The following SRGAP3 variants were observed in gnomAD, a reference collection of about 807,000 sequenced individuals.
The protein encoded by SRGAP3 is SLIT-ROBO Rho GTPase activating protein 3.
In SRGAP3, 39 loss-of-function variants were observed where a neutral mutation model predicts 121.1. The ratio of observed to expected loss-of-function variants is 0.32; its 90% confidence interval spans 0.25 to 0.42. SRGAP3 has a LOEUF of 0.42. Ranked by LOEUF, SRGAP3 falls within the 10% of genes least tolerant of loss-of-function variation. The pLI is 1.00. For synonymous variants in SRGAP3, 601 were observed against 570.0 expected, an observed-to-expected ratio of 1.05 and a Z score of -0.77; for missense variants, 1,213 against 1,470.6, an observed-to-expected ratio of 0.82 and a Z score of 2.86.
chr3:9,016,547 A>G (rs1250502346), intron 14 of SRGAP3, among the ~76,000 whole-genome samples: 1 of 152,196 alleles, frequency 6.6e-6, no homozygotes, highest in Non-Finnish European at 1.5e-5. Context: ...GGTGATGCCA[A>G]CCTTGATCAC....
chr3:9,346,149 G>A (rs1955887435), intron 1 of SRGAP3, among the ~76,000 whole-genome samples: 1 of 152,076 alleles, frequency 6.6e-6, no homozygotes. Flanking sequence ...TACTGCACAT[G>A]TGAAAACACA....
At chr3:9,244,124 C>T (rs1953742952) in intron 1 of SRGAP3, among the ~76,000 whole-genome samples, 1 of 152,216 alleles carries the variant, frequency 6.6e-6, no homozygotes, top group South Asian at 2.1e-4. Context: ...ATCTTCTAAT[C>T]ACTGCATGAT....
chr3:9,236,374 A>T (rs1559233198), intron 1 of SRGAP3: 1 of 157,262 alleles, frequency 6.4e-6, no homozygotes, highest in Non-Finnish European at 1.4e-5. Context: ...ACCTATTTTT[A>T]TAACGGTCTG....
intron 1 of SRGAP3, among the ~76,000 whole-genome samples, chr3:9,355,359 T>C (rs1195275707): frequency 4.6e-5 from 7 of 152,254 alleles, no homozygotes; most frequent in Admixed American, 4.6e-4. Context: ...GCCAGAGTGA[T>C]TGTCTGTTTG....
intron 9 of SRGAP3, 105 bp from the exon 10 acceptor site, chr3:9,047,580 G>T: frequency 1.8e-6 from 2 of 1,084,924 alleles, no homozygotes; most frequent in Non-Finnish European, 2.8e-6. Context: ...CAGAGATCAC[G>T]TCACCCGCAG....
intron 6 of SRGAP3, 144 bp from the exon 7 acceptor site, chr3:9,058,616 T>C (rs944005794): frequency 4.9e-5 from 41 of 831,602 alleles, no homozygotes; most frequent in Non-Finnish European, 8.0e-5. Flanking sequence ...TTTGGAATCC[T>C]ACTGCACAAA....
At chr3:9,037,920 C>T (rs1350294691) in intron 11 of SRGAP3, 143 bp downstream of exon 11, 5 of 1,099,824 alleles carry the variant, frequency 4.5e-6, no homozygotes, top group South Asian at 1.3e-5. Context: ...CTGTGCCTCA[C>T]CTGGGCACAC....
At chr3:9,191,955 C>T (rs919515425) in intron 1 of SRGAP3, among the ~76,000 whole-genome samples, 1 of 152,186 alleles carries the variant, frequency 6.6e-6, no homozygotes, top group Non-Finnish European at 1.5e-5. Flanking sequence ...CCACCATGAT[C>T]GTAAGTTTCC....
chr3:9,233,169 C>T (rs77015398), intron 1 of SRGAP3, among the ~76,000 whole-genome samples: 3 of 152,196 alleles, frequency 2.0e-5, no homozygotes, highest in African/African-American at 7.2e-5. Flanking sequence ...CAATTAATTA[C>T]CCACACACAC....
Position 9,026,956 on chromosome 3 carries a change from T to C in SRGAP3, c.1579A>G (p.Ile527Val), listed in dbSNP as rs751967968. 1.2e-6 allele frequency: 2 copies of C among 1,614,104 alleles called. No individual in the cohort carries two copies. Among genetic ancestry groups the C allele is most frequent in the South Asian group, 2.2e-5 (2 of 91,092 alleles). The change falls in exon 13 of 22, where the codon ATC (isoleucine) becomes GTC (valine). Residue 527 changes from isoleucine (I) to valine (V), a missense_variant. By Grantham distance (29) the Ile-to-Val change is conservative (BLOSUM62 3). This residue lies in a region of SRGAP3 where 793 missense variants were observed against 1,032.9 expected (regional missense o/e 0.77). Transcript: ENST00000383836. ...TTACCATATAAATTGATGTAACGGA[T>C]GCAGCTCTCGACTACAAGCGGTATA... ...QAIPLVVESCIRYINLYGLQQ... is the reference protein window; with the variant it reads ...QAIPLVVESCVRYINLYGLQQ...
At chr3:9,356,063 G>A (rs1575032793) in intron 1 of SRGAP3, among the ~76,000 whole-genome samples, 1 of 152,260 alleles carries the variant, frequency 6.6e-6, no homozygotes, top group East Asian at 1.9e-4. Flanking sequence ...CTGTTCCAAT[G>A]GGGCTTAAGT....
intron 1 of SRGAP3, among the ~76,000 whole-genome samples, chr3:9,189,298 G>A (rs1951686349): frequency 6.6e-6 from 1 of 152,184 alleles, no homozygotes; most frequent in Non-Finnish European, 1.5e-5. Flanking sequence ...GAGAGAACTG[G>A]ACAAACTGAA....
intron 1 of SRGAP3, among the ~76,000 whole-genome samples, chr3:9,182,188 A>C (rs1254051134): frequency 6.6e-6 from 1 of 150,720 alleles, no homozygotes; most frequent in African/African-American, 2.4e-5. Context: ...AAAAAAAAAA[A>C]AAAAAAAAAA....
At chr3:9,233,264 G>A (rs2125224344) in intron 1 of SRGAP3, among the ~76,000 whole-genome samples, 1 of 152,320 alleles carries the variant, frequency 6.6e-6, no homozygotes, top group Admixed American at 6.5e-5. Flanking sequence ...TCATTCAGCT[G>A]ATTCACCATG....
intron 14 of SRGAP3, among the ~76,000 whole-genome samples, chr3:9,022,229 G>A (rs1021703628): frequency 2.0e-5 from 3 of 152,176 alleles, no homozygotes; most frequent in African/African-American, 7.2e-5. Context: ...TCAGGAGGCT[G>A]AGGCAGGAGA....
At chr3:9,325,309 A>C (rs1282132680) in intron 3 of SRGAP3, among the ~76,000 whole-genome samples, 2 of 151,876 alleles carry the variant, frequency 1.3e-5, no homozygotes, top group African/African-American at 4.8e-5. Flanking sequence ...ATAAAGTTAA[A>C]TAGATTAAAG....
At chr3:9,102,318 A>AG (rs1211272302) in intron 3 of SRGAP3, among the ~76,000 whole-genome samples, 2 of 152,188 alleles carry the variant, frequency 1.3e-5, no homozygotes, top group Non-Finnish European at 2.9e-5. Context: ...ACTCAGAGAG[A>AG]CTTGCCCAGG....
chr3:9,314,714 C>T (rs1276421942), intron 3 of SRGAP3, among the ~76,000 whole-genome samples: 3 of 151,012 alleles, frequency 2.0e-5, no homozygotes, highest in East Asian at 3.9e-4. Flanking sequence ...GATCCCCCAC[C>T]TCCAAGTCCA....
chr3:9,020,939 C>T (rs974249131), intron 14 of SRGAP3, among the ~76,000 whole-genome samples: 1 of 152,230 alleles, frequency 6.6e-6, no homozygotes, highest in East Asian at 1.9e-4. Context: ...ATCACCTGGG[C>T]GTTGCCAAAG....
Sources: allele counts gnomAD v4.1 joint callset (sites outside exome capture counted in the v4.1 genomes callset), GRCh38; gene constraint gnomAD v4.1.1; regional missense constraint gnomAD v4.1.1; transcripts MANE v1.5; gene names NCBI Gene and HGNC (gene_info 2026-07-23, HGNC 2026-07-21).